Variants in GAREM1 observed in about 807,000 individuals in gnomAD.
The protein encoded by GAREM1 is GRB2 associated regulator of MAPK1 subtype 1, also known as GRB2-associated and regulator of MAPK protein 1.
Under a neutral mutation model 71.3 loss-of-function variants are expected in GAREM1, and 26 were observed. That is an observed-to-expected ratio of 0.36 (90% CI 0.27 to 0.51). The LOEUF (loss-of-function observed/expected upper bound fraction) is 0.51. GAREM1 is among the 20% of genes least tolerant of loss of function. The pLI is 0.95. For missense variants in GAREM1, 1,026 were observed against 1,103.1 expected (o/e 0.93, Z 0.99); for synonymous variants, 440 against 433.2 (o/e 1.02, Z -0.20).
intron 1 of GAREM1, among the ~76,000 whole-genome samples, chr18:32,443,521 G>T (rs950406073): frequency 2.0e-4 from 31 of 152,194 alleles, no homozygotes; most frequent in African/African-American, 7.0e-4. Context: ...ATGGCAACAA[G>T]CACATGAGAA....
intron 1 of GAREM1, among the ~76,000 whole-genome samples, chr18:32,418,017 T>TA (rs1448831712): frequency 6.6e-6 from 1 of 151,982 alleles, no homozygotes; most frequent in African/African-American, 2.4e-5. Context: ...CGCACAAAAT[T>TA]AAAAAAATGA....
chr18:32,375,825 C>T (rs960418292), intron 2 of GAREM1, among the ~76,000 whole-genome samples: 4 of 152,116 alleles, frequency 2.6e-5, no homozygotes, highest in Admixed American at 1.3e-4. Flanking sequence ...CTTCATATGG[C>T]CATCCCAGAG....
At position 32,268,503 on chromosome 18, in the gene GAREM1, C is replaced by T; in HGVS notation, c.1999G>A (p.Ala667Thr). Residue 667 changes from alanine to threonine, a missense_variant, in exon 6 of 6, where the codon GCA becomes ACA. Transcript: ENST00000269209. ...TPGTPKRNCP[A>T]PFDFDGCELL... The stretch of plus-strand genomic sequence containing the variant: ...TCACAGCCATCAAAATCAAAAGGTG[C>T]TGGGCAGTTTCTCTTTGGTGTGCCT... The T allele has an allele frequency of 6.2e-7, 1 of 1,614,176 alleles. No individual in the cohort carries two copies. Among genetic ancestry groups the T allele is most frequent in the Non-Finnish European group, 8.5e-7 (1 of 1,180,040 alleles).
At chr18:32,292,380 C>G (rs2047096270) in intron 3 of GAREM1, among the ~76,000 whole-genome samples, 1 of 151,980 alleles carries the variant, frequency 6.6e-6, no homozygotes, top group South Asian at 2.1e-4. Flanking sequence ...AAACTGAATG[C>G]AAATGGAAAC....
At chr18:32,340,449 G>A (rs1344812116) in intron 2 of GAREM1, among the ~76,000 whole-genome samples, 3 of 152,180 alleles carry the variant, frequency 2.0e-5, no homozygotes, top group Admixed American at 1.3e-4. Flanking sequence ...CAGGAATTGA[G>A]AGAAGACTGG....
chr18:32,303,079 T>G (rs112007757), intron 3 of GAREM1, among the ~76,000 whole-genome samples: 3 of 152,214 alleles, frequency 2.0e-5, no homozygotes, highest in African/African-American at 7.2e-5. Context: ...TGAATGAAAC[T>G]TCACATTCCC....
At chr18:32,418,673 A>G (rs534884356) in intron 1 of GAREM1, among the ~76,000 whole-genome samples, 4 of 152,316 alleles carry the variant, frequency 2.6e-5, no homozygotes, top group African/African-American at 9.6e-5. Flanking sequence ...ATCATAATAC[A>G]ATAGAACCAA....
chr18:32,398,350 C>T (rs1240118286), intron 1 of GAREM1, among the ~76,000 whole-genome samples: 1 of 152,046 alleles, frequency 6.6e-6, no homozygotes, highest in Non-Finnish European at 1.5e-5. Flanking sequence ...CACAAAGAAC[C>T]CTTCAAAAAA....
At chr18:32,412,445 A>G in intron 1 of GAREM1, 3 of 1,589,272 alleles carry the variant, frequency 1.9e-6, no homozygotes, top group South Asian at 1.1e-5. Context: ...CAAATCCATT[A>G]GAGCCATCCC....
rs149740129 is a variant in GAREM1 at position 32,392,086 on chromosome 18, G to T, written c.262+809C>A. On this transcript the variant is annotated intron_variant, in intron 2 of 5. Transcript: ENST00000269209. ...GCAGTCTAGGGCTACACAATTTATG[G>T]TTAGTTGATTAAGGTATTCTGAACA... Among the ~76,000 whole-genome samples, 729 of 152,230 alleles carry T rather than the reference G, an allele frequency of 4.8e-3. 7 individuals carry two copies. Among genetic ancestry groups the T allele is most frequent in the Admixed American group, 7.4e-3 (113 of 15,294 alleles).
intron 3 of GAREM1, among the ~76,000 whole-genome samples, chr18:32,291,090 C>T (rs567369830): frequency 7.2e-5 from 11 of 152,158 alleles, no homozygotes; most frequent in African/African-American, 2.4e-4. Flanking sequence ...CATCTAAATG[C>T]TTAAATATAG....
chr18:32,432,086 G>A (rs2048630101), intron 1 of GAREM1, among the ~76,000 whole-genome samples: 1 of 151,748 alleles, frequency 6.6e-6, no homozygotes, highest in Non-Finnish European at 1.5e-5. Flanking sequence ...AGAGAGAAAT[G>A]GCAACAGAAG....
intron 1 of GAREM1, among the ~76,000 whole-genome samples, chr18:32,465,531 C>T (rs12604660): frequency 0.34 from 51,502 of 152,004 alleles, 9,212 homozygotes; most frequent in East Asian, 0.59. Context: ...GAAGGAGAGA[C>T]GGTCACTGCT....
intron 2 of GAREM1, among the ~76,000 whole-genome samples, chr18:32,316,643 G>T (rs1384541634): frequency 1.3e-5 from 2 of 152,116 alleles, no homozygotes; most frequent in Non-Finnish European, 1.5e-5. Context: ...ATGAGGTTTT[G>T]CCATGTTGCT....
chr18:32,355,612 T>C (rs1293372416), intron 2 of GAREM1, among the ~76,000 whole-genome samples: 1 of 152,226 alleles, frequency 6.6e-6, no homozygotes, highest in African/African-American at 2.4e-5. Flanking sequence ...TAATGACAAT[T>C]AAAAATTACC....
chr18:32,364,012 ATATATATATATATATGTTT>A (rs2047897515), intron 2 of GAREM1, among the ~76,000 whole-genome samples: 10 of 51,456 alleles, frequency 1.9e-4, no homozygotes, highest in African/African-American at 1.1e-3. Context: ...ATATATATAT[ATATATATATATATATGTTT>A]TTTTTTTTTT....
At chr18:32,327,511 G>C (rs619154) in intron 2 of GAREM1, among the ~76,000 whole-genome samples, 2 of 151,966 alleles carry the variant, frequency 1.3e-5, no homozygotes, top group African/African-American at 4.8e-5. Flanking sequence ...AGAAAGCGGG[G>C]ATGATGAAAG....
intron 4 of GAREM1, among the ~76,000 whole-genome samples, chr18:32,278,326 C>T (rs1302078614): frequency 5.3e-5 from 8 of 151,930 alleles, no homozygotes; most frequent in African/African-American, 1.9e-4. Flanking sequence ...CTGGCAGGGG[C>T]GTGGGGGAGA....
intron 4 of GAREM1, among the ~76,000 whole-genome samples, chr18:32,285,353 C>A (rs1043827339): frequency 6.6e-6 from 1 of 152,182 alleles, no homozygotes; most frequent in Non-Finnish European, 1.5e-5. Context: ...AGCGTGGAGC[C>A]TGGCACAAAC....
Sources: allele counts gnomAD v4.1 joint callset (sites outside exome capture counted in the v4.1 genomes callset), GRCh38; gene constraint gnomAD v4.1.1; transcripts MANE v1.5; gene names NCBI Gene and HGNC (gene_info 2026-07-23, HGNC 2026-07-21).